The following CAMK2D variants were observed in gnomAD, a reference collection of about 807,000 sequenced individuals.
The protein encoded by CAMK2D is calcium/calmodulin dependent protein kinase II delta.
In CAMK2D, 37 loss-of-function variants were observed where a neutral mutation model predicts 84.0. That is an observed-to-expected ratio of 0.44 (90% CI 0.34 to 0.58). CAMK2D has a LOEUF of 0.58. Ranked by LOEUF, CAMK2D falls within the 20% of genes least tolerant of loss-of-function variation. CAMK2D has a pLI of 0.02. For synonymous variants in CAMK2D, 202 were observed against 212.5 expected (o/e 0.95, Z 0.43); for missense variants, 448 against 652.5 (o/e 0.69, Z 3.41).
At chr4:113,704,019 G>A (rs1366376813) in intron 2 of CAMK2D, among the ~76,000 whole-genome samples, 1 of 123,738 alleles carries the variant, frequency 8.1e-6, no homozygotes, top group Non-Finnish European at 1.7e-5. Context: ...GCTTGTTTTT[G>A]TACAATCACA....
In CAMK2D at chr4:113,504,313, G is replaced by A. The variant is rs189622298; in HGVS notation, c.1044+663C>T. On this transcript the variant is annotated intron_variant, in intron 14 of 20. Coordinates refer to ENST00000511664, the MANE Select transcript of CAMK2D (RefSeq NM_001321571.2). ...TTAGACTAATTTAGTCGTTAATTGT[G>A]TGGATTTGATTGAGATAGACATAAC... Among the ~76,000 whole-genome samples the A allele has an allele frequency of 4.5e-3, 686 of 152,276 alleles. 3 individuals are homozygous for A. The highest frequency in any genetic ancestry group is 0.016 in the African/African-American group (648 of 41,562).
At chr4:113,607,046 G>A (rs1270097685) in intron 4 of CAMK2D, among the ~76,000 whole-genome samples, 2 of 151,884 alleles carry the variant, frequency 1.3e-5, no homozygotes, top group Non-Finnish European at 2.9e-5. Context: ...TATCATTCAG[G>A]AATAAAGGGG....
intron 2 of CAMK2D, among the ~76,000 whole-genome samples, chr4:113,676,880 C>T (rs1014622575): frequency 6.6e-6 from 1 of 152,178 alleles, no homozygotes; most frequent in Non-Finnish European, 1.5e-5. Context: ...AATTGTTTCT[C>T]TGGGTCTTCA....
chr4:113,724,869 T>C (rs1395973450), intron 2 of CAMK2D, among the ~76,000 whole-genome samples: 2 of 151,990 alleles, frequency 1.3e-5, no homozygotes, highest in African/African-American at 4.8e-5. Context: ...TCCAACAATA[T>C]ATATATTCTC....
rs6851829 is a variant in CAMK2D at position 113,754,599 on chromosome 4, C to T, written c.160+4721G>A. The stretch of plus-strand genomic sequence containing the variant: ...ACTAGTTATTAATATCACAGTATGG[C>T]ACCTGACAACCACTTTCTTTATTTT... On this transcript the variant is annotated intron_variant, in intron 2 of 20. Coordinates refer to ENST00000511664, the MANE Select transcript of CAMK2D (RefSeq NM_001321571.2). The T allele has an allele frequency of 3.6e-5, 35 of 982,644 alleles. No individual in the cohort carries two copies. In the African/African-American group the frequency reaches 6.1e-4, roughly 17 times the overall value. The allele number at this position is 982,644 out of a possible 1,614,324, so 60.9% of individuals were successfully genotyped here.
chr4:113,503,709 C>CT (rs2098087769), intron 14 of CAMK2D, among the ~76,000 whole-genome samples: 1 of 152,268 alleles, frequency 6.6e-6, no homozygotes, highest in South Asian at 2.1e-4. Flanking sequence ...GGATATCTGG[C>CT]TATAAAGTCA....
At chr4:113,517,700 C>T (rs1217702709) in intron 8 of CAMK2D, 43 bp from the exon 9 acceptor site, 2 of 900,944 alleles carry the variant, frequency 2.2e-6, no homozygotes, top group African/African-American at 1.7e-5. Flanking sequence ...GTCATATAGA[C>T]AACAGTAAAT....
Position 113,582,015 on chromosome 4 carries a change from G to C in CAMK2D, c.275+27137C>G, listed in dbSNP as rs190484791. Among the ~76,000 whole-genome samples, 65 of 152,168 alleles carry C rather than the reference G, an allele frequency of 4.3e-4. 1 individual carries two copies. The highest frequency in any genetic ancestry group is 3.4e-3 in the Middle Eastern group (1 of 294). On this transcript the variant is annotated intron_variant, in intron 4 of 20. Coordinates refer to ENST00000511664, the MANE Select transcript of CAMK2D (RefSeq NM_001321571.2). Reference sequence around the variant, plus strand: ...TGCCTGCTCAATTCTCCTTCCTTCTGATTGGCTTCTTTTGCATAACTCATT... The same window carrying C: ...TGCCTGCTCAATTCTCCTTCCTTCTCATTGGCTTCTTTTGCATAACTCATT...
rs2097271245 is a variant in CAMK2D, at chr4:113,453,364, G to C, written c.*1181C>G. On this transcript the variant is annotated 3_prime_UTR_variant, in exon 21 of 21. Coordinates refer to ENST00000511664, the MANE Select transcript of CAMK2D (RefSeq NM_001321571.2). Reference sequence around the variant, plus strand: ...CTTTCATTCCCCAAGGCGGAGGTGAGTGCGTTTGCATAAAACCCCCTCTGC... The same window carrying C: ...CTTTCATTCCCCAAGGCGGAGGTGACTGCGTTTGCATAAAACCCCCTCTGC... The C allele has an allele frequency of 6.6e-6, 1 of 152,160 alleles. No individual in the cohort carries two copies. The highest frequency in any genetic ancestry group is 2.4e-5 in the African/African-American group (1 of 41,430). 9.4% of individuals were successfully genotyped at this position (152,160 alleles called of 1,614,324 possible). A position where few individuals can be genotyped will look rare whatever the true frequency, so the allele number is the denominator to read the frequency against.
At chr4:113,687,539 A>C (rs2099363439) in intron 2 of CAMK2D, among the ~76,000 whole-genome samples, 1 of 152,176 alleles carries the variant, frequency 6.6e-6, no homozygotes, top group Non-Finnish European at 1.5e-5. Flanking sequence ...CTGCCCTCCA[A>C]CTCGAAATCA....
At chr4:113,594,478 T>G (rs754996437) in intron 4 of CAMK2D, among the ~76,000 whole-genome samples, 49 of 152,180 alleles carry the variant, frequency 3.2e-4, no homozygotes, top group Non-Finnish European at 7.1e-4. Context: ...ACCAGACATT[T>G]TTTAAAACTG....
chr4:113,502,670 C>T (rs2098070597), intron 15 of CAMK2D, among the ~76,000 whole-genome samples: 1 of 152,104 alleles, frequency 6.6e-6, no homozygotes, highest in Non-Finnish European at 1.5e-5. Flanking sequence ...TTAAGACACA[C>T]AGTCATCTTG....
At chr4:113,694,470 G>A (rs984539901) in intron 2 of CAMK2D, among the ~76,000 whole-genome samples, 2 of 152,210 alleles carry the variant, frequency 1.3e-5, no homozygotes, top group African/African-American at 2.4e-5. Context: ...CTCTATGAAT[G>A]AAAAAGCCAA....
intron 2 of CAMK2D, among the ~76,000 whole-genome samples, chr4:113,701,336 C>T (rs1231362110): frequency 6.6e-6 from 1 of 152,156 alleles, no homozygotes; most frequent in Non-Finnish European, 1.5e-5. Flanking sequence ...GAATGCTATT[C>T]ATCTTTTTGC....
intron 3 of CAMK2D, among the ~76,000 whole-genome samples, chr4:113,611,359 A>G (rs1378552579): frequency 6.6e-6 from 1 of 152,196 alleles, no homozygotes; most frequent in Non-Finnish European, 1.5e-5. Context: ...TATGTATTCA[A>G]ATGAACTTAA....
At chr4:113,706,932 T>C (rs1466731950) in intron 2 of CAMK2D, among the ~76,000 whole-genome samples, 1 of 152,122 alleles carries the variant, frequency 6.6e-6, no homozygotes, top group East Asian at 1.9e-4. Flanking sequence ...GTTTTTTTTT[T>C]CACATCAAAA....
chr4:113,502,495 GAATAA>G (rs1317969561), intron 15 of CAMK2D, among the ~76,000 whole-genome samples: 1 of 127,524 alleles, frequency 7.8e-6, no homozygotes, highest in Non-Finnish European at 1.7e-5. Context: ...CAACAGAATA[GAATAA>G]AACTCAAAAG....
At chr4:113,626,653 A>G (rs2099069438) in intron 3 of CAMK2D, among the ~76,000 whole-genome samples, 1 of 152,178 alleles carries the variant, frequency 6.6e-6, no homozygotes, top group Admixed American at 6.6e-5. Context: ...CTGACTACCA[A>G]TAGCTTGCTC....
At chr4:113,508,283 CAAAGAG>C in intron 13 of CAMK2D, 1 of 1,530,354 alleles carries the variant, frequency 6.5e-7, no homozygotes, top group Non-Finnish European at 8.9e-7. Context: ...ATTGACCAGT[CAAAGAG>C]AAAGGAAAAG....
Sources: gnomAD v4.1 joint callset for allele counts (sites outside exome capture counted in the v4.1 genomes callset) on GRCh38, gnomAD v4.1.1 for gene constraint, MANE v1.5 for transcripts, NCBI Gene and HGNC (gene_info 2026-07-23, HGNC 2026-07-21) for gene names.